SNX19: variants seen among roughly 807,000 people sequenced by gnomAD.
SNX19 encodes the protein sorting nexin 19.
A neutral mutation model predicts 85.2 loss-of-function variants in SNX19; 60 were observed. The ratio of observed to expected loss-of-function variants is 0.70; its 90% confidence interval spans 0.57 to 0.87. SNX19 has a LOEUF of 0.87. Ranked by LOEUF, SNX19 falls within the 40% of genes least tolerant of loss-of-function variation. The pLI is 0.00. For synonymous variants in SNX19, 520 were observed against 470.0 expected (o/e 1.11, Z -1.38); for missense variants, 1,201 against 1,217.8 (o/e 0.99, Z 0.21).
At chr11:130,905,338 G>A (rs971341360) in intron 7 of SNX19, among the ~76,000 whole-genome samples, 2 of 129,390 alleles carry the variant, frequency 1.5e-5, no homozygotes, top group African/African-American at 5.6e-5. Flanking sequence ...AAGATAAAAA[G>A]AATAGATCTG....
At chr11:130,879,399 G>A (rs1282278070) in intron 10 of SNX19, among the ~76,000 whole-genome samples, 1 of 152,182 alleles carries the variant, frequency 6.6e-6, no homozygotes, top group Non-Finnish European at 1.5e-5. Flanking sequence ...GGTGGTCCAA[G>A]AGTGATTTCC....
intron 7 of SNX19, 147 bp from the exon 8 acceptor site, chr11:130,903,531 G>C (rs751846221): frequency 1.4e-6 from 1 of 728,534 alleles, no homozygotes; most frequent in Non-Finnish European, 2.0e-6. Context: ...AATCAAAAGA[G>C]GTTTAACTCA....
At chr11:130,912,600 G>A (rs959359738) in intron 1 of SNX19, among the ~76,000 whole-genome samples, 3 of 152,196 alleles carry the variant, frequency 2.0e-5, no homozygotes, top group African/African-American at 4.8e-5. Flanking sequence ...GAGGTATACT[G>A]TGGGCAAGAG....
intron 8 of SNX19, among the ~76,000 whole-genome samples, chr11:130,887,166 T>C (rs1479174471): frequency 6.6e-6 from 1 of 152,342 alleles, no homozygotes; most frequent in African/African-American, 2.4e-5. Flanking sequence ...CTGAGTTCCA[T>C]ACATTTATAT....
At chr11:130,905,213 A>G (rs1039876414) in intron 7 of SNX19, among the ~76,000 whole-genome samples, 6 of 152,214 alleles carry the variant, frequency 3.9e-5, no homozygotes, top group African/African-American at 1.4e-4. Context: ...TTCTCCTGGA[A>G]GGCAAAATTG....
Position 130,869,487 on chromosome 11 carries a change from A to G in SNX19, c.*8935T>C, listed in dbSNP as rs1461978033. 6.6e-6 allele frequency: 1 copy of G among 152,144 alleles called. No individual in the cohort carries two copies. The highest frequency in any genetic ancestry group is 1.5e-5 in the Non-Finnish European group (1 of 68,028). The allele number at this position is 152,144 out of a possible 1,614,324, so 9.4% of individuals were successfully genotyped here. ...CTTGTAGAGGGATTTGGGGAGAGGA[A>G]GCTTTATTGGGATCTCTAGGGGCTA... On this transcript the variant is annotated 3_prime_UTR_variant, in exon 11 of 11. Coordinates refer to ENST00000265909, the MANE Select transcript of SNX19 (RefSeq NM_014758.3).
intron 4 of SNX19, among the ~76,000 whole-genome samples, chr11:130,909,378 T>C (rs4337054): frequency 0.16 from 24,211 of 152,250 alleles, 2,200 homozygotes; most frequent in Middle Eastern, 0.25. Flanking sequence ...TCCGCCAATG[T>C]GTCAGTGTTT....
chr11:130,881,933 C>T (rs1014723858), intron 8 of SNX19, among the ~76,000 whole-genome samples: 2 of 152,214 alleles, frequency 1.3e-5, no homozygotes, highest in Non-Finnish European at 2.9e-5. Flanking sequence ...AACTCCCCGC[C>T]GTGCTTGGTG....
chr11:130,906,640 G>A lies in SNX19; in HGVS notation c.2247C>T (p.Leu749=), dbSNP rs369261968. The change falls in exon 6 of 11, where the codon CTC becomes CTT. Residue 749 remains leucine (L), a synonymous_variant. Transcript: ENST00000265909. Reference sequence around the variant, plus strand: ...TGGTTCTTACCACATTGCCTTCCTGGAGACAATAAAGAATCTTGTCTTGTG... The same window carrying A: ...TGGTTCTTACCACATTGCCTTCCTGAAGACAATAAAGAATCTTGTCTTGTG... ...TEAQDKILYC[L]QEGNVESETL... 2.5e-6 allele frequency: 4 copies of A among 1,611,784 alleles called. No individual in the cohort carries two copies. Among genetic ancestry groups the A allele is most frequent in the Non-Finnish European group, 3.4e-6 (4 of 1,178,140 alleles).
In SNX19 at chr11:130,878,203, C is replaced by T; in HGVS notation, c.*219G>A. 2.5e-6 allele frequency: 1 copy of T among 408,114 alleles called. No individual in the cohort carries two copies. Among genetic ancestry groups the T allele is most frequent in the Non-Finnish European group, 4.4e-6 (1 of 228,268 alleles). The allele number at this position is 408,114 out of a possible 1,614,324, so 25.3% of individuals were successfully genotyped here. A position where few individuals can be genotyped will look rare whatever the true frequency, so the allele number is the denominator to read the frequency against. On this transcript the variant is annotated 3_prime_UTR_variant, in exon 11 of 11. Transcript: ENST00000265909. ...ATCTACTCACCAGCAACAATCCCAA[C>T]ATCACAAAAGGAACAGGGAAATAAA...
intron 8 of SNX19, among the ~76,000 whole-genome samples, chr11:130,883,434 G>A (rs1250493158): frequency 6.6e-6 from 1 of 152,110 alleles, no homozygotes; most frequent in Admixed American, 6.5e-5. Context: ...TCAGGCCCAG[G>A]AATATAAGAA....
At position 130,870,152 on chromosome 11, in the gene SNX19, C is replaced by A. The variant is rs1011368593; in HGVS notation, c.*8270G>T. 2.6e-5 allele frequency: 4 copies of A among 152,180 alleles called. No homozygotes were observed. Among genetic ancestry groups the A allele is most frequent in the Non-Finnish European group, 5.9e-5 (4 of 68,034 alleles). 9.4% of individuals were successfully genotyped at this position (152,180 alleles called of 1,614,324 possible). Reference sequence around the variant, plus strand: ...CCTATTAAAAACTTAGGTCATTCCACCCCAACAGTACTCTTTCTTCCATGT... The same window carrying A: ...CCTATTAAAAACTTAGGTCATTCCAACCCAACAGTACTCTTTCTTCCATGT... On this transcript the variant is annotated 3_prime_UTR_variant, in exon 11 of 11. Transcript: ENST00000265909.
Position 130,875,439 on chromosome 11 carries a change from T to C in SNX19, c.*2983A>G, listed in dbSNP as rs925209988. The C allele has an allele frequency of 1.3e-5, 2 of 152,232 alleles. No homozygotes were observed. Among genetic ancestry groups the C allele is most frequent in the African/African-American group, 4.8e-5 (2 of 41,450 alleles). 9.4% of individuals were successfully genotyped at this position (152,232 alleles called of 1,614,324 possible). ...TGTAGCAGTCTGCTACAAAGCACTG[T>C]GCTGCTTCTAGTTAATAATGTACCG... On this transcript the variant is annotated 3_prime_UTR_variant, in exon 11 of 11. Transcript: ENST00000265909.
At position 130,905,948 on chromosome 11, in the gene SNX19, C is replaced by T; in HGVS notation, c.2443+5G>A. 6.2e-7 allele frequency: 1 copy of T among 1,614,244 alleles called. No homozygotes were observed. Among genetic ancestry groups the T allele is most frequent in the Non-Finnish European group, 8.5e-7 (1 of 1,180,048 alleles). On this transcript the variant is annotated splice_donor_5th_base_variant and intron_variant, in intron 7 of 10. Coordinates refer to ENST00000265909, the MANE Select transcript of SNX19 (RefSeq NM_014758.3). ...CTCCATGGGAGCAGAGACCTCGCCA[C>T]TCACCTGGATCGCTGTTGCTGGGGT...
At position 130,874,212 on chromosome 11, in the gene SNX19, C is replaced by G. The variant is rs1943135066; in HGVS notation, c.*4210G>C. On this transcript the variant is annotated 3_prime_UTR_variant, in exon 11 of 11. Coordinates refer to ENST00000265909, the MANE Select transcript of SNX19 (RefSeq NM_014758.3). ...TCATTTTTTATATTTTTTGTAGAGA[C>G]AGGGTCTTGCTATGTTCCAGGCTGG... is the stretch of plus-strand genomic sequence containing the variant. 1.3e-5 allele frequency among the ~76,000 whole-genome samples: 2 copies of G among 152,032 alleles called. No homozygotes were observed. Among genetic ancestry groups the G allele is most frequent in the South Asian group, 4.1e-4 (2 of 4,822 alleles).
At chr11:130,910,239 G>T in intron 3 of SNX19, 31 bp downstream of exon 3, 1 of 1,612,936 alleles carries the variant, frequency 6.2e-7, no homozygotes, top group Non-Finnish European at 8.5e-7. Context: ...AGGTTAAAGT[G>T]AGAACAAGGC....
At position 130,867,041 on chromosome 11, in the gene SNX19, C is replaced by G. The variant is rs954632549; in HGVS notation, c.*11381G>C. ...AAATCCCTTTCCTAAGGCCAGACAG[C>G]TAACTACTGACAGAGCTGGAATTCT... On this transcript the variant is annotated 3_prime_UTR_variant, in exon 11 of 11. Transcript: ENST00000265909. The G allele has an allele frequency of 2.4e-4, 37 of 152,354 alleles. No homozygotes were observed. The highest frequency in any genetic ancestry group is 7.9e-4 in the African/African-American group (33 of 41,590). 9.4% of individuals were successfully genotyped at this position (152,354 alleles called of 1,614,324 possible).
chr11:130,890,092 A>G (rs7937166), intron 8 of SNX19, among the ~76,000 whole-genome samples: 87,064 of 151,296 alleles, frequency 0.58, 25,918 homozygotes, highest in South Asian at 0.73. Flanking sequence ...CCACAACCCC[A>G]ATATGCTGTT....
At chr11:130,885,613 C>A (rs1944004827) in intron 8 of SNX19, among the ~76,000 whole-genome samples, 2 of 152,144 alleles carry the variant, frequency 1.3e-5, no homozygotes, top group South Asian at 2.1e-4. Flanking sequence ...ATACTAAAAT[C>A]ATAAAACAGA....
Sources: allele counts gnomAD v4.1 joint callset (sites outside exome capture counted in the v4.1 genomes callset), GRCh38; gene constraint gnomAD v4.1.1; transcripts MANE v1.5; gene names NCBI Gene and HGNC (gene_info 2026-07-23, HGNC 2026-07-21).